NSG2: variants seen among roughly 807,000 people sequenced by gnomAD.
NSG2 encodes the protein neuronal vesicle trafficking-associated protein 2.
In NSG2, 4 loss-of-function variants were observed where a neutral mutation model predicts 16.9. That is an observed-to-expected ratio of 0.24 (90% CI 0.12 to 0.54). NSG2 has a LOEUF of 0.54. NSG2 is among the 20% of genes least tolerant of loss of function. The pLI is 0.95. For synonymous variants in NSG2, 98 were observed against 88.7 expected (o/e 1.11, Z -0.59); for missense variants, 179 against 221.1 (o/e 0.81, Z 1.21).
chr5:174,047,230 G>T (rs182415568), intron 2 of NSG2, among the ~76,000 whole-genome samples: 1 of 152,118 alleles, frequency 6.6e-6, no homozygotes, highest in Non-Finnish European at 1.5e-5. Flanking sequence ...AAATTGACAG[G>T]TATAGATTTG....
At chr5:174,079,851 A>T (rs577072870) in intron 3 of NSG2, among the ~76,000 whole-genome samples, 16 of 152,354 alleles carry the variant, frequency 1.1e-4, no homozygotes, top group Admixed American at 1.3e-4. Context: ...GGCATGAGGG[A>T]AAATATTGAT....
chr5:174,107,845 T>A lies in NSG2; in HGVS notation c.*340T>A. The A allele has an allele frequency of 6.5e-6, 3 of 461,368 alleles. No homozygotes were observed. Among genetic ancestry groups the A allele is most frequent in the Admixed American group, 2.6e-5 (1 of 39,040 alleles). 28.6% of individuals were successfully genotyped at this position (461,368 alleles called of 1,614,324 possible). On this transcript the variant is annotated 3_prime_UTR_variant, in exon 5 of 5. Coordinates refer to ENST00000303177, the MANE Select transcript of NSG2 (RefSeq NM_015980.5). The surrounding 1 kb of genome is among the most constrained non-coding windows in gnomAD (Gnocchi z 4.5). Reference sequence around the variant, plus strand: ...CAGAAAAGGAAAGAAACAAAGAACATGAACAAAAAGCATTAAACTGGCTCC... The same window carrying A: ...CAGAAAAGGAAAGAAACAAAGAACAAGAACAAAAAGCATTAAACTGGCTCC...
rs776054913 is a variant in NSG2 at position 174,107,981 on chromosome 5, C to T, written c.*476C>T. Reference sequence around the variant, plus strand: ...GTTGCAGAGTATGAGTGACACAGACCGGGACTATTCCATTAGCCTGTGGTC... The same window carrying T: ...GTTGCAGAGTATGAGTGACACAGACTGGGACTATTCCATTAGCCTGTGGTC... On this transcript the variant is annotated 3_prime_UTR_variant, in exon 5 of 5. Transcript: ENST00000303177. This position sits in a 1 kb window ranked among gnomAD's most constrained non-coding sequence, Gnocchi z 4.5. The T allele has an allele frequency of 1.9e-4, 66 of 353,188 alleles. No homozygotes were observed. The highest frequency in any genetic ancestry group is 9.7e-4 in the South Asian group (45 of 46,366). The allele number at this position is 353,188 out of a possible 1,614,324, so 21.9% of individuals were successfully genotyped here.
chr5:174,049,067 T>C (rs1015889298), intron 2 of NSG2, among the ~76,000 whole-genome samples: 22 of 151,518 alleles, frequency 1.5e-4, no homozygotes, highest in African/African-American at 5.3e-4. Context: ...AGGCTGGGCA[T>C]GGTGGCTCAT....
chr5:174,057,026 A>T (rs754406364), intron 2 of NSG2, among the ~76,000 whole-genome samples: 10 of 152,236 alleles, frequency 6.6e-5, no homozygotes, highest in Non-Finnish European at 1.5e-4. Flanking sequence ...TTAGCAGCTG[A>T]CAGGACAATG....
At chr5:174,051,885 G>A (rs1399404611) in intron 2 of NSG2, among the ~76,000 whole-genome samples, 2 of 152,248 alleles carry the variant, frequency 1.3e-5, no homozygotes, top group Admixed American at 6.5e-5. Flanking sequence ...CCTCAGAAGG[G>A]TGGAGGAACG....
At chr5:174,080,700 T>G (rs943718989) in intron 3 of NSG2, among the ~76,000 whole-genome samples, 2 of 152,128 alleles carry the variant, frequency 1.3e-5, no homozygotes, top group African/African-American at 4.8e-5. Flanking sequence ...TAGCTGGGAT[T>G]ACAGGCACGT....
At chr5:174,069,768 G>A (rs1561665362) in intron 3 of NSG2, among the ~76,000 whole-genome samples, 2 of 152,018 alleles carry the variant, frequency 1.3e-5, no homozygotes, top group Admixed American at 6.6e-5. Context: ...GAACCTGGAG[G>A]AACATTTCAA....
chr5:174,081,397 T>C lies in NSG2; in HGVS notation c.213+17082T>C, dbSNP rs1561669030. The C allele has an allele frequency of 3.3e-5, 5 of 152,328 alleles. 1 individual carries two copies. Among genetic ancestry groups the C allele is most frequent in the Admixed American group, 3.3e-4 (5 of 15,308 alleles). 9.4% of individuals were successfully genotyped at this position (152,328 alleles called of 1,614,324 possible). On this transcript the variant is annotated intron_variant, in intron 3 of 4. Transcript: ENST00000303177. The stretch of plus-strand genomic sequence containing the variant: ...TTCTGCATTTACGGACATGGTGATA[T>C]GGTTTGTCTTCTTTGACTTGGCATT...
chr5:174,052,575 C>A (rs1167640860), intron 2 of NSG2, among the ~76,000 whole-genome samples: 1 of 152,210 alleles, frequency 6.6e-6, no homozygotes, highest in Non-Finnish European at 1.5e-5. Context: ...TGGGAGCAAG[C>A]TCCTGAAAAG....
intron 3 of NSG2, among the ~76,000 whole-genome samples, chr5:174,079,247 T>C (rs999628822): frequency 1.3e-5 from 2 of 148,688 alleles, no homozygotes; most frequent in Non-Finnish European, 3.0e-5. Flanking sequence ...TTCTCTCTCT[T>C]TCTCTCTCTC....
chr5:174,103,368 CA>C (rs1760929681), intron 3 of NSG2, among the ~76,000 whole-genome samples: 2 of 152,054 alleles, frequency 1.3e-5, no homozygotes, highest in South Asian at 4.2e-4. Flanking sequence ...TGAGTGACTG[CA>C]AATGTGAAAT....
intron 3 of NSG2, among the ~76,000 whole-genome samples, chr5:174,097,975 G>A (rs571716520): frequency 1.3e-5 from 2 of 152,182 alleles, no homozygotes; most frequent in Admixed American, 1.3e-4. Flanking sequence ...CAGAGAAAAG[G>A]GTGCGACTCG....
At chr5:174,086,345 C>T (rs1317721284) in intron 3 of NSG2, 1 of 152,242 alleles carries the variant, frequency 6.6e-6, no homozygotes, top group Non-Finnish European at 1.5e-5. Context: ...GTAATGAAAG[C>T]ACCATCCCCA....
chr5:174,079,687 T>C (rs1337778833), intron 3 of NSG2, among the ~76,000 whole-genome samples: 1 of 152,224 alleles, frequency 6.6e-6, no homozygotes, highest in Non-Finnish European at 1.5e-5. Flanking sequence ...TTTGTGTTGC[T>C]ACCTCCCAAA....
At chr5:174,046,355 G>A (rs569346836) in intron 1 of NSG2, among the ~76,000 whole-genome samples, 6 of 106,030 alleles carry the variant, frequency 5.7e-5, no homozygotes, top group African/African-American at 1.0e-4. Flanking sequence ...TACTGCAGGC[G>A]GGGGGGGTGG....
Position 174,066,989 on chromosome 5 carries a change from CAAAAAAAAAAA to C in NSG2, c.213+2691_213+2701del, listed in dbSNP as rs543368373. Among the ~76,000 whole-genome samples, 18 of 27,942 alleles carry C rather than the reference CAAAAAAAAAAA, an allele frequency of 6.4e-4. 1 individual carries two copies. The highest frequency in any genetic ancestry group is 2.7e-3 in the Admixed American group (7 of 2,576). The allele number at this position is 27,942 out of a possible 152,430, so 18.3% of individuals were successfully genotyped here. On this transcript the variant is annotated intron_variant, in intron 3 of 4. Transcript: ENST00000303177. ...TGGGCGACAGAGCGAGACTCTGTCT[CAAAAAAAAAAA>C]AAAAAAAAAAAAAAAAGAAATGATG...
intron 3 of NSG2, among the ~76,000 whole-genome samples, chr5:174,084,708 G>A (rs779113150): frequency 6.6e-6 from 1 of 152,212 alleles, no homozygotes; most frequent in Non-Finnish European, 1.5e-5. Context: ...CCCCACCCTC[G>A]GTTGTGAGGC....
intron 3 of NSG2, among the ~76,000 whole-genome samples, chr5:174,086,208 T>C (rs1404755221): frequency 6.6e-6 from 1 of 152,148 alleles, no homozygotes; most frequent in Non-Finnish European, 1.5e-5. Context: ...GTTGAACAGA[T>C]TGGGGTGATT....
Sources: allele counts gnomAD v4.1 joint callset (sites outside exome capture counted in the v4.1 genomes callset), GRCh38; gene constraint gnomAD v4.1.1; non-coding constraint Gnocchi (gnomAD v3.1); transcripts MANE v1.5; gene names NCBI Gene and HGNC (gene_info 2026-07-23, HGNC 2026-07-21).